The following PALM2AKAP2 variants were observed in gnomAD, a reference collection of about 807,000 sequenced individuals.
PALM2AKAP2 encodes PALM2 and AKAP2 fusion, also known as PALM2-AKAP2 fusion protein.
Under a neutral mutation model 71.5 loss-of-function variants are expected in PALM2AKAP2, and 37 were observed. That is an observed-to-expected ratio of 0.52 (90% CI 0.40 to 0.68). PALM2AKAP2 has a LOEUF of 0.68. Among genes scored for constraint, PALM2AKAP2 ranks in the 30% least tolerant of loss-of-function variants. PALM2AKAP2 has a pLI of 0.00. For synonymous variants in PALM2AKAP2, 468 were observed against 478.8 expected (o/e 0.98, Z 0.29); for missense variants, 1,224 against 1,191.8 (o/e 1.03, Z -0.40).
chr9:109,757,712 A>G (rs1828985811), intron 1 of PALM2AKAP2, among the ~76,000 whole-genome samples: 1 of 152,002 alleles, frequency 6.6e-6, no homozygotes, highest in South Asian at 2.1e-4. Flanking sequence ...AGCTTACTAG[A>G]TCTTAGAGAT....
intron 1 of PALM2AKAP2, among the ~76,000 whole-genome samples, chr9:110,061,851 A>AT (rs1210591019): frequency 6.9e-6 from 1 of 145,498 alleles, no homozygotes; most frequent in Non-Finnish European, 1.5e-5. Flanking sequence ...TATTATTATA[A>AT]TTTTTTGTTA....
At chr9:110,144,273 A>G (rs1836106843) in intron 2 of PALM2AKAP2, among the ~76,000 whole-genome samples, 1 of 152,240 alleles carries the variant, frequency 6.6e-6, no homozygotes, top group Admixed American at 6.5e-5. Flanking sequence ...GCAGGCACCA[A>G]CTGTGCAGCT....
At chr9:109,940,572 A>G (rs920367466) in intron 6 of PALM2AKAP2, among the ~76,000 whole-genome samples, 1 of 152,138 alleles carries the variant, frequency 6.6e-6, no homozygotes, top group African/African-American at 2.4e-5. Flanking sequence ...GATAGTTTGG[A>G]TCTTCTTAAC....
chr9:109,858,796 C>G (rs918101728), intron 1 of PALM2AKAP2, among the ~76,000 whole-genome samples: 2 of 152,130 alleles, frequency 1.3e-5, no homozygotes, highest in South Asian at 4.1e-4. Context: ...CATCAGAGCC[C>G]ATATCAGACC....
chr9:109,837,327 A>C (rs535022737), intron 1 of PALM2AKAP2, among the ~76,000 whole-genome samples: 17 of 152,266 alleles, frequency 1.1e-4, no homozygotes, highest in Admixed American at 3.3e-4. Flanking sequence ...GAAGCAAATG[A>C]TGAGAGATTT....
At chr9:109,828,608 T>G (rs1231851299) in intron 1 of PALM2AKAP2, among the ~76,000 whole-genome samples, 1 of 152,256 alleles carries the variant, frequency 6.6e-6, no homozygotes, top group East Asian at 1.9e-4. Context: ...AGTCATACAA[T>G]AATTCTATTG....
intron 1 of PALM2AKAP2, among the ~76,000 whole-genome samples, chr9:109,843,633 A>G (rs1209919557): frequency 1.3e-5 from 2 of 152,186 alleles, no homozygotes; most frequent in African/African-American, 2.4e-5. Context: ...CCCATGAGAC[A>G]TGTTCAGTAA....
exon 2 of PALM2AKAP2, chr9:110,137,896 C>G (rs1564328336): frequency 9.9e-6 from 16 of 1,614,216 alleles, no homozygotes; most frequent in Non-Finnish European, 1.3e-5. Context: ...ATTCCCCTTC[C>G]TCCACGCTGG....
At chr9:109,667,623 C>A (rs1827507536) in intron 1 of PALM2AKAP2, among the ~76,000 whole-genome samples, 2 of 151,890 alleles carry the variant, frequency 1.3e-5, no homozygotes, top group African/African-American at 2.4e-5. Context: ...AACCCCATCT[C>A]TACTAAAAAA....
chr9:110,113,839 A>G (rs1187753748), intron 1 of PALM2AKAP2, among the ~76,000 whole-genome samples: 1 of 152,116 alleles, frequency 6.6e-6, no homozygotes, highest in Non-Finnish European at 1.5e-5. Flanking sequence ...GGCCCTGTCT[A>G]CAAGTTTTAA....
chr9:109,653,648 T>C (rs531453005), intron 1 of PALM2AKAP2, among the ~76,000 whole-genome samples: 3 of 152,260 alleles, frequency 2.0e-5, no homozygotes, highest in Middle Eastern at 3.4e-3. Context: ...ATTCTGTAGA[T>C]AGGGGGTGTA....
chr9:110,012,849 AATAGAGATG>A (rs1348925235), intron 6 of PALM2AKAP2, among the ~76,000 whole-genome samples: 1 of 152,234 alleles, frequency 6.6e-6, no homozygotes, highest in Non-Finnish European at 1.5e-5. Context: ...AAAGTGAAAT[AATAGAGATG>A]ATAGAGATGA....
chr9:109,708,872 G>A (rs1828183299), intron 1 of PALM2AKAP2, among the ~76,000 whole-genome samples: 1 of 152,160 alleles, frequency 6.6e-6, no homozygotes, highest in South Asian at 2.1e-4. Flanking sequence ...CCAGCATTGG[G>A]TAGTTGAAAC....
chr9:110,139,282 C>T (rs1013088667), intron 2 of PALM2AKAP2, among the ~76,000 whole-genome samples: 1 of 152,110 alleles, frequency 6.6e-6, no homozygotes, highest in Non-Finnish European at 1.5e-5. Context: ...ATTATTGCTA[C>T]CATATGGATA....
At chr9:109,774,725 C>T (rs77691140) in intron 1 of PALM2AKAP2, among the ~76,000 whole-genome samples, 2,188 of 151,918 alleles carry the variant, frequency 0.014, 62 homozygotes, top group African/African-American at 0.05. Flanking sequence ...TAAGTTGGTC[C>T]ATGGCATTTT....
intron 1 of PALM2AKAP2, among the ~76,000 whole-genome samples, chr9:109,784,909 G>A (rs930047837): frequency 6.6e-6 from 1 of 151,696 alleles, no homozygotes; most frequent in Admixed American, 6.6e-5. Context: ...ACCTCCTTTT[G>A]AGAGTCTTTC....
rs191755183 is a variant in PALM2AKAP2, at chr9:109,858,092, G to A, written c.46-9399G>A. ...GTGATGTGTTAGTTCCATCTTTGCT[G>A]TATCTCATTTCAATCCTGCAGTAGC... is the stretch of plus-strand genomic sequence containing the variant. On this transcript the variant is annotated intron_variant, in intron 1 of 9. Coordinates refer to the PALM2AKAP2 transcript ENST00000302798. Among the ~76,000 whole-genome samples, 466 of 152,310 alleles carry A rather than the reference G, an allele frequency of 3.1e-3. 2 individuals are homozygous for A. The highest frequency in any genetic ancestry group is 0.011 in the African/African-American group (451 of 41,552).
exon 2 of PALM2AKAP2, chr9:110,136,140 T>C (rs768752467): frequency 6.3e-7 from 1 of 1,581,034 alleles, no homozygotes; most frequent in Admixed American, 1.8e-5. Context: ...CCTCCCCAGC[T>C]TTCTGAGGAT....
intron 7 of PALM2AKAP2, among the ~76,000 whole-genome samples, chr9:110,026,896 A>G (rs1833190735): frequency 6.6e-6 from 1 of 152,106 alleles, no homozygotes; most frequent in Non-Finnish European, 1.5e-5. Context: ...TACAAAAATT[A>G]GCTGGGTGTG....
Sources: allele counts gnomAD v4.1 joint callset (sites outside exome capture counted in the v4.1 genomes callset), GRCh38; gene constraint gnomAD v4.1.1; transcripts MANE v1.5; gene names NCBI Gene and HGNC (gene_info 2026-07-23, HGNC 2026-07-21).